Variants in ADCY10 observed in about 807,000 individuals in gnomAD.
ADCY10 encodes the protein adenylate cyclase 10, also known as adenylate cyclase type 10.
In ADCY10, 156 loss-of-function variants were observed where a neutral mutation model predicts 183.3. That is an observed-to-expected ratio of 0.85 (90% confidence interval 0.75 to 0.97). The LOEUF is 0.97. Ranked by LOEUF, ADCY10 falls within the 50% of genes least tolerant of loss-of-function variation. The pLI, the probability that ADCY10 is intolerant of heterozygous loss-of-function variation, is 0.00. For missense variants in ADCY10, 1,745 were observed against 1,934.3 expected (o/e 0.90, Z 1.84); for synonymous variants, 645 against 670.0 (o/e 0.96, Z 0.58).
At chr1:167,853,195 G>A (rs967816535) in intron 18 of ADCY10, among the ~76,000 whole-genome samples, 7 of 152,104 alleles carry the variant, frequency 4.6e-5, no homozygotes, top group African/African-American at 7.2e-5. Context: ...ATTAATACAC[G>A]TCGTGCTTAT....
At chr1:167,912,783 C>CCACT (rs1670235367) in intron 1 of ADCY10, among the ~76,000 whole-genome samples, 1 of 152,208 alleles carries the variant, frequency 6.6e-6, no homozygotes, top group Admixed American at 6.5e-5. Flanking sequence ...TGGTGTTCCT[C>CCACT]CACTCATCGG....
chr1:167,874,558 G>A (rs1242595806), intron 13 of ADCY10, among the ~76,000 whole-genome samples: 3 of 98,072 alleles, frequency 3.1e-5, no homozygotes, highest in African/African-American at 1.5e-4. Flanking sequence ...CAACCATTTT[G>A]GAAAACTATT....
At chr1:167,911,149 G>A (rs1457626787) in intron 1 of ADCY10, among the ~76,000 whole-genome samples, 3 of 152,224 alleles carry the variant, frequency 2.0e-5, no homozygotes. Flanking sequence ...GTAAGAATGA[G>A]TGTTCAAACT....
chr1:167,880,264 G>A, intron 10 of ADCY10, 73 bp from the exon 11 acceptor site: 1 of 1,297,866 alleles, frequency 7.7e-7, no homozygotes, highest in Non-Finnish European at 1.1e-6. Flanking sequence ...GGAAGGGTGG[G>A]AAATAATGTC....
intron 8 of ADCY10, among the ~76,000 whole-genome samples, chr1:167,890,805 G>C (rs539472108): frequency 6.6e-6 from 1 of 152,148 alleles, no homozygotes; most frequent in East Asian, 1.9e-4. Flanking sequence ...CCTACTCTAC[G>C]TTCAAACAAA....
At chr1:167,904,383 G>GCGGCC in intron 2 of ADCY10, among the ~76,000 whole-genome samples, 1 of 152,182 alleles carries the variant, frequency 6.6e-6, no homozygotes, top group East Asian at 1.9e-4. Flanking sequence ...ACCGAACCCG[G>GCGGCC]TGGCCTCAGC....
At chr1:167,825,554 G>A (rs558300486) in intron 26 of ADCY10, among the ~76,000 whole-genome samples, 6 of 152,152 alleles carry the variant, frequency 3.9e-5, no homozygotes, top group South Asian at 4.1e-4. Context: ...AGGCTGAGAC[G>A]AGAGGTCACT....
chr1:167,841,278 A>G (rs547814998), intron 21 of ADCY10, among the ~76,000 whole-genome samples: 2 of 152,136 alleles, frequency 1.3e-5, no homozygotes, highest in Admixed American at 6.6e-5. Flanking sequence ...TTCAACATGT[A>G]TAGAATGGAA....
In ADCY10 at chr1:167,829,320, G is replaced by A. The variant is rs1357776173; in HGVS notation, c.3697C>T (p.Leu1233=). Reference sequence around the variant, plus strand: ...GTATTCATTTGCATCATAACTGCCAGGTGGGCATAATACTTGCAGTGAAAA... The same window carrying A: ...GTATTCATTTGCATCATAACTGCCAAGTGGGCATAATACTTGCAGTGAAAA... ...YLFHCKYYAH[L]AVMMQMNTAL... Residue 1233 remains leucine (L), a synonymous_variant, in exon 26 of 33, where the codon CTG becomes TTG. Coordinates refer to ENST00000367851, the MANE Select transcript of ADCY10 (RefSeq NM_018417.6). 8 of 1,614,106 alleles carry A rather than the reference G, an allele frequency of 5.0e-6. No individual in the cohort carries two copies. In the South Asian group the frequency reaches 5.5e-5, roughly 11 times the overall value.
At position 167,846,007 on chromosome 1, in the gene ADCY10, A is replaced by G. The variant is rs1258045447; in HGVS notation, c.2694T>C (p.Ser898=). ...CACCCATCCCTTCACTGGGCTTCAG[A>G]GACAAGGAACGATAGTGCACCTCAA... The part of the protein sequence containing the change: ...PSFEVHYRSL[S]LKPSEGMDHG... Residue 898 remains serine, a synonymous_variant, in exon 20 of 33, where the codon TCT becomes TCC. Transcript: ENST00000367851. 1 of 1,614,096 alleles carries G rather than the reference A, an allele frequency of 6.2e-7. No individual in the cohort carries two copies. Among genetic ancestry groups the G allele is most frequent in the Non-Finnish European group, 8.5e-7 (1 of 1,180,044 alleles).
chr1:167,818,524 A>G, intron 30 of ADCY10: 1 of 554,150 alleles, frequency 1.8e-6, no homozygotes, highest in South Asian at 1.6e-5. Flanking sequence ...CCACCATTGA[A>G]CTCTTTGGCT....
In ADCY10 at chr1:167,901,875, A is replaced by G. The variant is rs115713131; in HGVS notation, c.293-70T>C. 0.01 allele frequency: 16,783 copies of G among 1,612,318 alleles called. 124 individuals are homozygous for G. Among genetic ancestry groups the G allele is most frequent in the Non-Finnish European group, 0.013 (15,552 of 1,179,252 alleles). On this transcript the variant is annotated intron_variant, in intron 4 of 32. Transcript: ENST00000367851. ...TCAATCTATTTTGTATGAGATCTGT[A>G]TAGAAACTTACTCATCAAGCATTCC...
In ADCY10 at chr1:167,822,117, T is replaced by C; in HGVS notation, c.4193A>G (p.Glu1398Gly). 2 of 1,604,546 alleles carry C rather than the reference T, an allele frequency of 1.2e-6. No individual in the cohort carries two copies. Among genetic ancestry groups the C allele is most frequent in the Non-Finnish European group, 1.7e-6 (2 of 1,171,210 alleles). The change falls in exon 30 of 33, where the codon GAA becomes GGA. Residue 1398 changes from glutamate (E) to glycine (G), a missense_variant. Physicochemically the swap from Glu to Gly is moderately conservative, Grantham distance 98 (BLOSUM62 -2). Coordinates refer to ENST00000367851, the MANE Select transcript of ADCY10 (RefSeq NM_018417.6). ...GTATTGGTGTATGAATTCCAAACAT[T>C]CTTCAAATGTTCTATAAACAAAACC... ...YSGFVYRTFE[E>G]CLEFIHQYEN...
intron 7 of ADCY10, 70 bp from the exon 8 acceptor site, chr1:167,894,011 C>CTCCCA: frequency 9.7e-7 from 1 of 1,032,732 alleles, no homozygotes; most frequent in Non-Finnish European, 1.5e-6. Context: ...TGAGAGGAGG[C>CTCCCA]TCCCAGTCCC....
intron 18 of ADCY10, among the ~76,000 whole-genome samples, chr1:167,850,798 C>T (rs552937330): frequency 6.6e-6 from 1 of 151,872 alleles, no homozygotes; most frequent in Non-Finnish European, 1.5e-5. Context: ...TTGAGACAAC[C>T]ATTCTTTCCA....
At chr1:167,912,705 C>G (rs1458739527) in intron 1 of ADCY10, among the ~76,000 whole-genome samples, 1 of 152,210 alleles carries the variant, frequency 6.6e-6, no homozygotes, top group East Asian at 1.9e-4. Context: ...TTAAACTCTC[C>G]GATCCTTAAA....
chr1:167,856,944 T>C (rs1052769056), intron 16 of ADCY10, among the ~76,000 whole-genome samples: 1 of 152,190 alleles, frequency 6.6e-6, no homozygotes, highest in Non-Finnish European at 1.5e-5. Context: ...TAGCTTGAAA[T>C]GTGGTATGTG....
chr1:167,913,328 T>A (rs1670270895), intron 1 of ADCY10, among the ~76,000 whole-genome samples: 2 of 152,194 alleles, frequency 1.3e-5, no homozygotes, highest in Admixed American at 6.5e-5. Flanking sequence ...TTTCTCTAAA[T>A]CTCTCCTCTA....
At chr1:167,864,964 G>A (rs1002979326) in intron 14 of ADCY10, among the ~76,000 whole-genome samples, 27 of 151,330 alleles carry the variant, frequency 1.8e-4, no homozygotes, top group African/African-American at 6.3e-4. Context: ...GTAAATTCTT[G>A]TCTTGAAATA....
Sources: gnomAD v4.1 joint callset for allele counts (sites outside exome capture counted in the v4.1 genomes callset) on GRCh38, gnomAD v4.1.1 for gene constraint, MANE v1.5 for transcripts, NCBI Gene and HGNC (gene_info 2026-07-23, HGNC 2026-07-21) for gene names.